The following SEC24D variants were observed in gnomAD, a reference collection of about 807,000 sequenced individuals.
SEC24D encodes SEC24 homolog D, COPII component.
A neutral mutation model predicts 116.9 loss-of-function variants in SEC24D; 69 were observed. The observed-to-expected ratio is 0.59, with a 90% CI of 0.49 to 0.72. SEC24D has a LOEUF of 0.72. Ranked by LOEUF, SEC24D falls within the 30% of genes least tolerant of loss-of-function variation. The pLI is 0.00. For missense variants in SEC24D, 1,131 were observed against 1,264.1 expected (o/e 0.89, Z 1.60); for synonymous variants, 405 against 442.8 (o/e 0.91, Z 1.07).
intron 3 of SEC24D, among the ~76,000 whole-genome samples, chr4:118,818,380 T>C (rs1363755768): frequency 6.6e-6 from 1 of 152,214 alleles, no homozygotes; most frequent in Non-Finnish European, 1.5e-5. Context: ...AAGCCAGTGC[T>C]TGCCTGAAGT....
chr4:118,737,143 T>C (rs1438310970), intron 19 of SEC24D, among the ~76,000 whole-genome samples: 1 of 152,256 alleles, frequency 6.6e-6, no homozygotes, highest in Non-Finnish European at 1.5e-5. Context: ...AAAGTGCTCA[T>C]GATTGGACTG....
At position 118,744,117 on chromosome 4, in the gene SEC24D, G is replaced by A; in HGVS notation, c.1866C>T (p.Ala622=). ...AGCAGCCGTGAGCCACGCAGTCCTT[G>A]GCCAATGAGTCATAGACATTTGTTT... ...QPQTNVYDSL[A]KDCVAHGCSV... is the part of the protein sequence containing the mutation. The change falls in exon 15 of 23, where the codon GCC becomes GCT. Residue 622 remains alanine, a synonymous_variant. Transcript: ENST00000280551. The A allele has an allele frequency of 1.9e-6, 3 of 1,612,112 alleles. No individual in the cohort carries two copies. Among genetic ancestry groups the A allele is most frequent in the Non-Finnish European group, 2.5e-6 (3 of 1,179,046 alleles).
intron 8 of SEC24D, among the ~76,000 whole-genome samples, chr4:118,784,858 G>A (rs534644706): frequency 1.2e-4 from 18 of 149,868 alleles, no homozygotes; most frequent in Non-Finnish European, 2.1e-4. Flanking sequence ...TGAAACCTAA[G>A]CTAAACTTTA....
rs762097174 is a variant in SEC24D, at chr4:118,768,167, G to A, written c.1180+6C>T. On this transcript the variant is annotated splice_donor_region_variant and intron_variant, in intron 9 of 22. Transcript: ENST00000280551. ...TTCACAAAGAGCTTTTAATGGCACT[G>A]CTTACCATCATTCACACAGTTGCAA... 2 of 1,610,554 alleles carry A rather than the reference G, an allele frequency of 1.2e-6. No individual in the cohort carries two copies. The highest frequency in any genetic ancestry group is 2.2e-5 in the South Asian group (2 of 90,484).
At chr4:118,787,068 C>CTAGA (rs957861279) in intron 8 of SEC24D, among the ~76,000 whole-genome samples, 1 of 152,178 alleles carries the variant, frequency 6.6e-6, no homozygotes, top group African/African-American at 2.4e-5. Flanking sequence ...TGCTATAAGG[C>CTAGA]TAGAACACTG....
At chr4:118,797,344 G>A (rs1164849419) in intron 8 of SEC24D, among the ~76,000 whole-genome samples, 1 of 152,116 alleles carries the variant, frequency 6.6e-6, no homozygotes, top group African/African-American at 2.4e-5. Flanking sequence ...TCCCTCAACA[G>A]AACACCCACA....
chr4:118,817,960 C>T (rs748425980), intron 3 of SEC24D, among the ~76,000 whole-genome samples: 2 of 151,964 alleles, frequency 1.3e-5, no homozygotes, highest in Non-Finnish European at 2.9e-5. Context: ...TCACTTGAGT[C>T]CAGGAGGTCA....
chr4:118,819,229 G>A (rs11726817), intron 3 of SEC24D, among the ~76,000 whole-genome samples: 3,440 of 151,968 alleles, frequency 0.023, 48 homozygotes, highest in Non-Finnish European at 0.028. Flanking sequence ...ATACTTTTTC[G>A]TCTTTTAAAA....
At chr4:118,774,946 T>G (rs114060591) in intron 8 of SEC24D, among the ~76,000 whole-genome samples, 1,527 of 152,316 alleles carry the variant, frequency 0.01, 23 homozygotes, top group African/African-American at 0.035. Context: ...CTTCTCCTGT[T>G]ACAATGGAAG....
intron 22 of SEC24D, among the ~76,000 whole-genome samples, chr4:118,727,445 A>G (rs1725470356): frequency 6.6e-6 from 1 of 152,120 alleles, no homozygotes; most frequent in Non-Finnish European, 1.5e-5. Flanking sequence ...TGAAGGAGGA[A>G]CTACTGAGCA....
At chr4:118,790,700 G>A (rs952764080) in intron 8 of SEC24D, among the ~76,000 whole-genome samples, 1 of 151,554 alleles carries the variant, frequency 6.6e-6, no homozygotes, top group Non-Finnish European at 1.5e-5. Context: ...ACATCCTCTC[G>A]TCCAAACCGC....
At chr4:118,732,946 A>T (rs773264273) in intron 19 of SEC24D, 34 bp from the exon 20 acceptor site, 3 of 1,547,556 alleles carry the variant, frequency 1.9e-6, no homozygotes, top group African/African-American at 2.7e-5. Context: ...CATACGCTTG[A>T]TCTTTACTGA....
chr4:118,819,482 G>A (rs577452664), intron 3 of SEC24D, among the ~76,000 whole-genome samples: 1 of 130,176 alleles, frequency 7.7e-6, no homozygotes, highest in Non-Finnish European at 1.5e-5. Context: ...AGTGAGCCAA[G>A]ATCGCGCCAC....
rs1422346828 is a variant in SEC24D, at chr4:118,723,404, T to C, written c.*111A>G. On this transcript the variant is annotated 3_prime_UTR_variant, in exon 23 of 23. Transcript: ENST00000280551. ...AATGCCATCTCTTCCTGGAAAGTTA[T>C]TCTGAAAATGAGCAAGAAATCAAAA... The C allele has an allele frequency of 4.4e-6, 5 of 1,144,802 alleles. No individual in the cohort carries two copies. The African/African-American group carries it at 7.8e-5, about 18-fold the overall frequency. The allele number at this position is 1,144,802 out of a possible 1,614,324, so 70.9% of individuals were successfully genotyped here. A position where few individuals can be genotyped will look rare whatever the true frequency, so the allele number is the denominator to read the frequency against.
intron 19 of SEC24D, 55 bp from the exon 20 acceptor site, chr4:118,732,967 C>A: frequency 1.4e-6 from 2 of 1,419,176 alleles, no homozygotes; most frequent in South Asian, 2.4e-5. Flanking sequence ...GAACAATTCC[C>A]TGAGCTTCAT....
chr4:118,755,120 T>A (rs1315624312), intron 11 of SEC24D, among the ~76,000 whole-genome samples: 1 of 152,126 alleles, frequency 6.6e-6, no homozygotes, highest in Non-Finnish European at 1.5e-5. Context: ...CTGGTCTCCA[T>A]GGGAACTTTT....
At position 118,739,151 on chromosome 4, in the gene SEC24D, G is replaced by A. The variant is rs1298328160; in HGVS notation, c.2375C>T (p.Ser792Leu). The change falls in exon 18 of 23, where the codon TCA becomes TTA. Residue 792 changes from serine to leucine, a missense_variant and splice_region_variant. Transcript: ENST00000280551. ...TDALINFFAK[S>L]AFKAVLHQPL... The stretch of plus-strand genomic sequence containing the variant: ...CCTCAGGATTGGCAAAGTGTTACCT[G>A]ACTTGGCAAAGAAGTTGATAAGAGC... The A allele has an allele frequency of 6.2e-7, 1 of 1,613,254 alleles. No homozygotes were observed. The highest frequency in any genetic ancestry group is 1.7e-5 in the Admixed American group (1 of 59,972).
At chr4:118,827,949 G>A (rs1483905538) in intron 2 of SEC24D, among the ~76,000 whole-genome samples, 1 of 152,042 alleles carries the variant, frequency 6.6e-6, no homozygotes. Context: ...GTTGGGGGGG[G>A]AAAATGTTTA....
At chr4:118,762,668 T>C (rs1001682452) in intron 10 of SEC24D, among the ~76,000 whole-genome samples, 1 of 152,236 alleles carries the variant, frequency 6.6e-6, no homozygotes, top group Non-Finnish European at 1.5e-5. Flanking sequence ...TATTATACTT[T>C]ATTTACATTT....
Sources: gnomAD v4.1 joint callset for allele counts (sites outside exome capture counted in the v4.1 genomes callset) on GRCh38, gnomAD v4.1.1 for gene constraint, MANE v1.5 for transcripts, NCBI Gene and HGNC (gene_info 2026-07-23, HGNC 2026-07-21) for gene names.